FAM110B: variants seen among roughly 807,000 people sequenced by gnomAD.
FAM110B encodes the protein family with sequence similarity 110 member B.
FAM110B carries 6 observed loss-of-function variants against 20.4 expected under a neutral mutation model. The observed-to-expected ratio is 0.29, with a 90% CI of 0.16 to 0.58. The LOEUF (loss-of-function observed/expected upper bound fraction) is 0.58, where lower values mean the gene tolerates loss of function less well. FAM110B is among the 20% of genes least tolerant of loss of function. The probability of loss-of-function intolerance (pLI) is 0.90; values close to 1 mark genes in which losing one functional copy is unlikely to be tolerated. For synonymous variants in FAM110B, 226 were observed against 214.1 expected, an observed-to-expected ratio of 1.06 and a Z score of -0.49; for missense variants, 434 against 498.2, an observed-to-expected ratio of 0.87 and a Z score of 1.23.
intron 2 of FAM110B, among the ~76,000 whole-genome samples, chr8:58,064,705 G>C (rs983603735): frequency 6.6e-6 from 1 of 152,140 alleles, no homozygotes; most frequent in South Asian, 2.1e-4. Context: ...AATGCTTTAT[G>C]TGTACATTAA....
intron 1 of FAM110B, among the ~76,000 whole-genome samples, chr8:58,004,874 G>A (rs937176401): frequency 3.3e-5 from 5 of 152,202 alleles, no homozygotes; most frequent in Non-Finnish European, 7.3e-5. Context: ...TGACTTACGG[G>A]AATATTGTGG....
chr8:58,089,456 T>C (rs2150602413), intron 3 of FAM110B, among the ~76,000 whole-genome samples: 2 of 152,330 alleles, frequency 1.3e-5, no homozygotes, highest in South Asian at 4.1e-4. Context: ...GAATCTGATC[T>C]CACAGGCATT....
At chr8:58,030,840 G>T (rs769554918) in intron 1 of FAM110B, among the ~76,000 whole-genome samples, 1 of 152,110 alleles carries the variant, frequency 6.6e-6, no homozygotes, top group Admixed American at 6.5e-5. Flanking sequence ...CAGCTGTCCC[G>T]ATAACCATCA....
At chr8:58,120,659 GGTGGGACT>G (rs1488321041) in intron 3 of FAM110B, among the ~76,000 whole-genome samples, 1 of 152,194 alleles carries the variant, frequency 6.6e-6, no homozygotes, top group Non-Finnish European at 1.5e-5. Flanking sequence ...GAGCTCCGAG[GGTGGGACT>G]GTCAGCCCAT....
rs1475388854 is a variant in FAM110B, at chr8:58,146,560, C to G, written c.330C>G (p.Gly110=). ...VFGNHAKTES[G]VQRENLKLEI... ...GCAACCACGCCAAGACCGAGAGCGG[C>G]GTGCAGAGGGAGAACCTGAAGCTGG... Residue 110 remains glycine, a synonymous_variant, in exon 4 of 4, where the codon GGC becomes GGG. Coordinates refer to ENST00000519262, the MANE Select transcript of FAM110B (RefSeq NM_001377989.1). 6.2e-7 allele frequency: 1 copy of G among 1,614,050 alleles called. No individual in the cohort carries two copies. Among genetic ancestry groups the G allele is most frequent in the Admixed American group, 1.7e-5 (1 of 60,022 alleles).
At chr8:58,106,134 C>G (rs1399044139) in intron 3 of FAM110B, 1 of 152,094 alleles carries the variant, frequency 6.6e-6, no homozygotes, top group African/African-American at 2.4e-5. Flanking sequence ...TTAAATAAAA[C>G]CAGTTCCCCA....
chr8:58,118,349 C>T (rs1161089314), intron 3 of FAM110B, among the ~76,000 whole-genome samples: 1 of 152,184 alleles, frequency 6.6e-6, no homozygotes, highest in African/African-American at 2.4e-5. Flanking sequence ...TGCAGATTTA[C>T]TAACCATGAG....
At chr8:58,056,128 G>T (rs1192607114) in intron 2 of FAM110B, among the ~76,000 whole-genome samples, 1 of 152,224 alleles carries the variant, frequency 6.6e-6, no homozygotes, top group Non-Finnish European at 1.5e-5. Context: ...TTTCACTACA[G>T]TGGTGGAGTT....
intron 1 of FAM110B, among the ~76,000 whole-genome samples, chr8:58,029,610 C>T (rs1804927251): frequency 6.6e-6 from 1 of 151,988 alleles, no homozygotes; most frequent in Admixed American, 6.6e-5. Flanking sequence ...AATTAAAGAT[C>T]CGCTATGATC....
At chr8:58,064,447 C>T (rs963816725) in intron 2 of FAM110B, among the ~76,000 whole-genome samples, 19 of 151,434 alleles carry the variant, frequency 1.3e-4, no homozygotes, top group African/African-American at 3.9e-4. Flanking sequence ...GAAAAAGTTG[C>T]GCTTAGTTAA....
In FAM110B at chr8:58,086,966, T is replaced by C. The variant is rs142861262; in HGVS notation, c.-325+11343T>C. Among the ~76,000 whole-genome samples the C allele has an allele frequency of 3.2e-3, 489 of 152,354 alleles. 1 individual carries two copies. Among genetic ancestry groups the C allele is most frequent in the Middle Eastern group, 0.01 (3 of 294 alleles). On this transcript the variant is annotated intron_variant, in intron 3 of 3. Coordinates refer to ENST00000519262, the MANE Select transcript of FAM110B (RefSeq NM_001377989.1). Reference sequence around the variant, plus strand: ...CTTCATTCTCACAACAGATAGTTGATGGGACACATAGCACGTGATCATGGG... The same window carrying C: ...CTTCATTCTCACAACAGATAGTTGACGGGACACATAGCACGTGATCATGGG...
intron 2 of FAM110B, among the ~76,000 whole-genome samples, chr8:58,073,534 G>A (rs1284493673): frequency 6.6e-6 from 1 of 152,078 alleles, no homozygotes; most frequent in East Asian, 1.9e-4. Flanking sequence ...ACTCTTCTCA[G>A]AATACACATT....
At chr8:58,145,711 T>A (rs904987590) in intron 3 of FAM110B, among the ~76,000 whole-genome samples, 196 bp from the exon 4 acceptor site, 2 of 152,230 alleles carry the variant, frequency 1.3e-5, no homozygotes, top group East Asian at 3.9e-4. Flanking sequence ...AGCGTTGTGC[T>A]GCCGCGCGTC....
intron 2 of FAM110B, among the ~76,000 whole-genome samples, chr8:58,075,269 T>TGTGTGTGTGTGTG (rs1554521049): frequency 1.6e-4 from 19 of 122,418 alleles, no homozygotes; most frequent in African/African-American, 8.1e-4. Flanking sequence ...TTGCTTTTTT[T>TGTGTGTGTGTGTG]TTTTTTTGTG....
At chr8:58,025,896 C>T (rs1804846626) in intron 1 of FAM110B, among the ~76,000 whole-genome samples, 2 of 152,160 alleles carry the variant, frequency 1.3e-5, no homozygotes. Context: ...TCCTATCCAC[C>T]CATGCCTCAG....
At chr8:58,038,903 T>G (rs1253598488) in intron 2 of FAM110B, among the ~76,000 whole-genome samples, 1 of 152,214 alleles carries the variant, frequency 6.6e-6, no homozygotes, top group Non-Finnish European at 1.5e-5. Context: ...TGTGTGTTTG[T>G]GTTTGCTCAT....
At chr8:58,034,874 C>A (rs1402907813) in intron 2 of FAM110B, among the ~76,000 whole-genome samples, 1 of 152,134 alleles carries the variant, frequency 6.6e-6, no homozygotes. Context: ...GCACTATCAG[C>A]AAATGTGTTC....
intron 3 of FAM110B, among the ~76,000 whole-genome samples, chr8:58,119,031 C>T (rs1413468598): frequency 6.6e-6 from 1 of 152,108 alleles, no homozygotes; most frequent in Non-Finnish European, 1.5e-5. Context: ...AACCAAAAAA[C>T]AAATACTCTG....
chr8:58,060,168 G>A (rs989387621), intron 2 of FAM110B, among the ~76,000 whole-genome samples: 3 of 152,088 alleles, frequency 2.0e-5, no homozygotes, highest in African/African-American at 7.2e-5. Context: ...TGGGGGAAGA[G>A]GATACTTTCT....
Sources: allele counts gnomAD v4.1 joint callset (sites outside exome capture counted in the v4.1 genomes callset), GRCh38; gene constraint gnomAD v4.1.1; transcripts MANE v1.5; gene names NCBI Gene and HGNC (gene_info 2026-07-23, HGNC 2026-07-21).